Variants in NAV3 observed in about 807,000 individuals in gnomAD.
The protein encoded by NAV3 is neuron navigator 3, also known as pore membrane and/or filament interacting like protein 1.
A neutral mutation model predicts 244.7 loss-of-function variants in NAV3; 87 were observed. The observed-to-expected ratio is 0.36, with a 90% CI of 0.30 to 0.42. The LOEUF (loss-of-function observed/expected upper bound fraction) is 0.42, where lower values mean the gene tolerates loss of function less well. NAV3 is among the 20% of genes least tolerant of loss of function. NAV3 has a pLI of 1.00. For synonymous variants in NAV3, 1,126 were observed against 1,042.2 expected (o/e 1.08, Z -1.55); for missense variants, 2,663 against 2,893.3 (o/e 0.92, Z 1.83).
intron 8 of NAV3, among the ~76,000 whole-genome samples, chr12:78,021,042 A>G (rs1044161132): frequency 6.6e-6 from 1 of 152,190 alleles, no homozygotes; most frequent in Non-Finnish European, 1.5e-5. Flanking sequence ...ATATTTACCC[A>G]TGCATAAAGG....
intron 2 of NAV3, among the ~76,000 whole-genome samples, chr12:77,755,593 C>CCCTCCCTA (rs1869114637): frequency 1.7e-5 from 1 of 57,186 alleles, no homozygotes. Context: ...CTCCCTCCCT[C>CCCTCCCTA]CCTCCCTCCC....
At chr12:78,033,318 G>A (rs1056437439) in intron 9 of NAV3, among the ~76,000 whole-genome samples, 3 of 151,624 alleles carry the variant, frequency 2.0e-5, no homozygotes, top group Admixed American at 1.3e-4. Flanking sequence ...TACTTAAATA[G>A]CCACATTATA....
chr12:77,672,785 C>A (rs1388520622), intron 2 of NAV3, among the ~76,000 whole-genome samples: 1 of 151,596 alleles, frequency 6.6e-6, no homozygotes, highest in Non-Finnish European at 1.5e-5. Flanking sequence ...GACTAAAGAA[C>A]CTGTTCCCTA....
rs192178128 is a variant in NAV3, at chr12:77,955,578, A to G, written c.415-10651A>G. ...GTCTTTTTGGCCTCTGATCAGAAAT[A>G]GACCCTTCTGGACAGCTGCAGTGGC... On this transcript the variant is annotated intron_variant, in intron 3 of 39. Transcript: ENST00000397909. Among the ~76,000 whole-genome samples the G allele has an allele frequency of 1.5e-3, 226 of 152,210 alleles. 2 individuals carry two copies. Among genetic ancestry groups the G allele is most frequent in the African/African-American group, 5.2e-3 (217 of 41,544 alleles).
chr12:77,808,637 C>G (rs745323113), intron 2 of NAV3, among the ~76,000 whole-genome samples: 4 of 152,194 alleles, frequency 2.6e-5, no homozygotes, highest in Non-Finnish European at 5.9e-5. Context: ...GTCTCCCAGT[C>G]AGGAGGCGCA....
rs139564829 is a variant in NAV3 at position 77,724,506 on chromosome 12, G to A, written c.72+152240G>A. ...ATATCTCAAGTGCTCAATAATATTTGCGATATCCTTCCTTTCAGTGCTAGA... is the reference window on the plus strand; with the variant it reads ...ATATCTCAAGTGCTCAATAATATTTACGATATCCTTCCTTTCAGTGCTAGA... On this transcript the variant is annotated intron_variant, in intron 2 of 8. Transcript: ENST00000550042. 1.8e-4 allele frequency among the ~76,000 whole-genome samples: 27 copies of A among 151,906 alleles called. 1 individual carries two copies. Among genetic ancestry groups the A allele is most frequent in the African/African-American group, 5.5e-4 (23 of 41,482 alleles).
rs553525208 is a variant in NAV3 at position 77,681,317 on chromosome 12, T to C, written c.72+109051T>C. The stretch of plus-strand genomic sequence containing the variant: ...GGCAAACAAGTAATAGGTAATTATA[T>C]TGGTGATGTTAAATATGCCAAATCT... On this transcript the variant is annotated intron_variant, in intron 2 of 8. Transcript: ENST00000550042. 3.3e-5 allele frequency among the ~76,000 whole-genome samples: 5 copies of C among 152,340 alleles called. No homozygotes were observed. The South Asian group carries it at 8.3e-4, about 25-fold the overall frequency.
rs114932889 is a variant in NAV3, at chr12:77,884,889, A to G, written c.243+53185A>G. ...TTAGTATCACTTAAGAGGAAGGAAA[A>G]GAAAGATTGACAATTCCAAATTATT... On this transcript the variant is annotated intron_variant, in intron 1 of 39. Coordinates refer to ENST00000397909, the MANE Select transcript of NAV3 (RefSeq NM_001024383.2). 6.4e-3 allele frequency among the ~76,000 whole-genome samples: 967 copies of G among 152,242 alleles called. 14 individuals are homozygous for G. Among genetic ancestry groups the G allele is most frequent in the African/African-American group, 0.022 (907 of 41,566 alleles).
chr12:78,093,832 A>G (rs1438014493), intron 12 of NAV3, among the ~76,000 whole-genome samples: 3 of 152,110 alleles, frequency 2.0e-5, no homozygotes, highest in Non-Finnish European at 4.4e-5. Flanking sequence ...AATTTTATTT[A>G]CTTTTTTTTC....
At chr12:77,576,702 G>A (rs964236040) in intron 2 of NAV3, among the ~76,000 whole-genome samples, 1 of 151,958 alleles carries the variant, frequency 6.6e-6, no homozygotes, top group Non-Finnish European at 1.5e-5. Flanking sequence ...GATTGTTTAT[G>A]TTGGAAACTA....
chr12:77,749,931 A>T (rs928092718), intron 2 of NAV3, among the ~76,000 whole-genome samples: 1 of 152,258 alleles, frequency 6.6e-6, no homozygotes, highest in African/African-American at 2.4e-5. Flanking sequence ...AGTAGACTTG[A>T]GTCCCCTGGG....
chr12:78,050,238 A>C, intron 10 of NAV3, 137 bp downstream of exon 10: 1 of 682,682 alleles, frequency 1.5e-6, no homozygotes, highest in South Asian at 1.8e-5. Context: ...TATCAAATTG[A>C]TTGGTAATTA....
chr12:77,698,497 G>A (rs1360448591), intron 2 of NAV3, among the ~76,000 whole-genome samples: 2 of 152,024 alleles, frequency 1.3e-5, no homozygotes, highest in African/African-American at 4.8e-5. Context: ...TGGCTATAGG[G>A]GTCCAGTGGA....
chr12:78,084,507 T>C (rs570077378), intron 12 of NAV3, among the ~76,000 whole-genome samples: 1 of 152,220 alleles, frequency 6.6e-6, no homozygotes, highest in Non-Finnish European at 1.5e-5. Flanking sequence ...TTTTGAAGTT[T>C]CTCTTTCACT....
chr12:78,165,779 A>T (rs1457324565), intron 23 of NAV3, among the ~76,000 whole-genome samples: 1 of 151,836 alleles, frequency 6.6e-6, no homozygotes, highest in Non-Finnish European at 1.5e-5. Flanking sequence ...TTTTTATTTT[A>T]AAATTCTTTA....
At chr12:78,164,285 C>G (rs1439518153) in intron 23 of NAV3, among the ~76,000 whole-genome samples, 1 of 151,816 alleles carries the variant, frequency 6.6e-6, no homozygotes, top group Non-Finnish European at 1.5e-5. Flanking sequence ...GAGAAGTAGC[C>G]CCTTGTATGA....
intron 12 of NAV3, among the ~76,000 whole-genome samples, chr12:78,092,798 C>T (rs573756705): frequency 6.6e-6 from 1 of 152,192 alleles, no homozygotes; most frequent in South Asian, 2.1e-4. Flanking sequence ...CCGCGCCCGG[C>T]CGTGTTAATT....
intron 4 of NAV3, among the ~76,000 whole-genome samples, chr12:77,966,673 A>G (rs1034776381): frequency 2.6e-5 from 4 of 152,094 alleles, no homozygotes; most frequent in East Asian, 1.9e-4. Context: ...AAGGCTTAAA[A>G]TATTATTTTA....
At chr12:78,177,060 G>A in intron 26 of NAV3, 81 bp from the exon 27 acceptor site, 1 of 1,429,754 alleles carries the variant, frequency 7.0e-7, no homozygotes, top group Non-Finnish European at 9.8e-7. Flanking sequence ...TGGCTAGGAT[G>A]GCATCTGCAA....
Sources: gnomAD v4.1 joint callset for allele counts (sites outside exome capture counted in the v4.1 genomes callset) on GRCh38, gnomAD v4.1.1 for gene constraint, MANE v1.5 for transcripts, NCBI Gene and HGNC (gene_info 2026-07-23, HGNC 2026-07-21) for gene names.